Variants in RALYL observed in about 807,000 individuals in gnomAD.
The protein encoded by RALYL is RNA-binding Raly-like protein.
RALYL carries 29 observed loss-of-function variants against 35.1 expected under a neutral mutation model. The ratio of observed to expected loss-of-function variants is 0.83; its 90% CI spans 0.61 to 1.13. The LOEUF is 1.13. Ranked by LOEUF, RALYL falls within the 50% of genes most tolerant of loss-of-function variation. The probability of loss-of-function intolerance (pLI) is 0.00; values close to 1 mark genes in which losing one functional copy is unlikely to be tolerated. For missense variants in RALYL, 359 were observed against 360.4 expected (o/e 1.00, Z 0.03); for synonymous variants, 120 against 127.6 (o/e 0.94, Z 0.40).
At chr8:84,605,297 A>G (rs1816863844) in intron 2 of RALYL, among the ~76,000 whole-genome samples, 1 of 152,118 alleles carries the variant, frequency 6.6e-6, no homozygotes, top group African/African-American at 2.4e-5. Flanking sequence ...CTGCATTCTA[A>G]TCAAAGAACA....
chr8:84,214,050 T>C (rs1046465500), intron 1 of RALYL, among the ~76,000 whole-genome samples: 1 of 152,200 alleles, frequency 6.6e-6, no homozygotes, highest in Non-Finnish European at 1.5e-5. Context: ...TAGCTAATTT[T>C]CTCTGCTATG....
intron 1 of RALYL, among the ~76,000 whole-genome samples, chr8:84,491,304 A>G (rs1219991505): frequency 6.6e-6 from 1 of 152,002 alleles, no homozygotes; most frequent in East Asian, 1.9e-4. Context: ...AGCATTCAAA[A>G]TATGGCTTAT....
intron 5 of RALYL, among the ~76,000 whole-genome samples, chr8:84,859,234 G>A (rs935871198): frequency 6.6e-6 from 1 of 152,098 alleles, no homozygotes; most frequent in Admixed American, 6.5e-5. Context: ...GGTTGCGGGA[G>A]GGGACCAATC....
intron 1 of RALYL, among the ~76,000 whole-genome samples, chr8:84,351,903 G>C (rs988740405): frequency 6.7e-6 from 1 of 150,366 alleles, no homozygotes; most frequent in Non-Finnish European, 1.5e-5. Flanking sequence ...TTAAGTTCAT[G>C]ATGACTGAAT....
chr8:84,751,815 GCTTC>G (rs770208741), intron 2 of RALYL, among the ~76,000 whole-genome samples: 66 of 152,260 alleles, frequency 4.3e-4, no homozygotes, highest in Non-Finnish European at 5.1e-4. Context: ...CCAGTATCAT[GCTTC>G]CTGTACAGCC....
At chr8:84,396,926 C>A (rs1586840303) in intron 1 of RALYL, among the ~76,000 whole-genome samples, 1 of 152,130 alleles carries the variant, frequency 6.6e-6, no homozygotes, top group South Asian at 2.1e-4. Context: ...AATATCCCCC[C>A]CGCCCCATAA....
intron 1 of RALYL, among the ~76,000 whole-genome samples, chr8:84,269,548 T>C (rs1833921102): frequency 6.6e-6 from 1 of 152,208 alleles, no homozygotes; most frequent in Non-Finnish European, 1.5e-5. Flanking sequence ...TTAGGAATTA[T>C]AAACCACATG....
At chr8:84,367,339 T>A (rs1169487828) in intron 1 of RALYL, among the ~76,000 whole-genome samples, 3 of 63,866 alleles carry the variant, frequency 4.7e-5, no homozygotes, top group African/African-American at 3.7e-4. Flanking sequence ...TTTTTTTTTT[T>A]TTTTTTTTTT....
intron 8 of RALYL, among the ~76,000 whole-genome samples, chr8:84,917,951 C>T (rs1306415971): frequency 6.6e-6 from 1 of 151,948 alleles, no homozygotes; most frequent in Admixed American, 6.6e-5. Context: ...CAAATATATT[C>T]ACATTGTCTA....
intron 1 of RALYL, among the ~76,000 whole-genome samples, chr8:84,413,410 T>C (rs2044294997): frequency 6.6e-6 from 1 of 151,054 alleles, no homozygotes; most frequent in Admixed American, 6.6e-5. Flanking sequence ...TGTTTACTGA[T>C]GGAGAAAAAA....
At chr8:84,236,665 A>T (rs529825536) in intron 1 of RALYL, among the ~76,000 whole-genome samples, 3 of 152,184 alleles carry the variant, frequency 2.0e-5, no homozygotes, top group Non-Finnish European at 4.4e-5. Flanking sequence ...AGACACAGAC[A>T]TTGTAAGGGC....
intron 1 of RALYL, among the ~76,000 whole-genome samples, chr8:84,279,714 A>G (rs1836169728): frequency 6.6e-6 from 1 of 151,968 alleles, no homozygotes; most frequent in Non-Finnish European, 1.5e-5. Context: ...TTTGGTTTAT[A>G]GCTTTTTCCT....
At chr8:84,796,081 G>A (rs974088048) in intron 3 of RALYL, among the ~76,000 whole-genome samples, 23 of 152,192 alleles carry the variant, frequency 1.5e-4, no homozygotes, top group African/African-American at 5.5e-4. Context: ...CTTGAGGTCA[G>A]TATCCAACTA....
At chr8:84,378,462 T>C (rs1217342547) in intron 1 of RALYL, among the ~76,000 whole-genome samples, 1 of 151,956 alleles carries the variant, frequency 6.6e-6, no homozygotes. Flanking sequence ...TTTAGGCATA[T>C]ATGAATAAAT....
chr8:84,240,895 G>T (rs942133908), intron 1 of RALYL, among the ~76,000 whole-genome samples: 2 of 151,988 alleles, frequency 1.3e-5, no homozygotes, highest in Non-Finnish European at 2.9e-5. Context: ...TAAAATAATG[G>T]CAATAGGTTT....
intron 1 of RALYL, among the ~76,000 whole-genome samples, chr8:84,462,560 A>T (rs941834081): frequency 4.0e-5 from 6 of 148,538 alleles, no homozygotes; most frequent in Non-Finnish European, 7.4e-5. Context: ...ATCACTTTTG[A>T]GTTACTTTTT....
chr8:84,312,341 A>G (rs2129959911), intron 1 of RALYL, among the ~76,000 whole-genome samples: 1 of 152,282 alleles, frequency 6.6e-6, no homozygotes, highest in Middle Eastern at 3.4e-3. Context: ...GGCTCCTCTC[A>G]AATCTCATGT....
At chr8:84,653,606 G>C (rs553835927) in intron 2 of RALYL, among the ~76,000 whole-genome samples, 32 of 151,864 alleles carry the variant, frequency 2.1e-4, no homozygotes, top group Non-Finnish European at 3.5e-4. Context: ...TTCTAGTAGA[G>C]ATCTCTGATT....
At chr8:84,865,439 A>G (rs918992627) in intron 6 of RALYL, among the ~76,000 whole-genome samples, 1 of 152,166 alleles carries the variant, frequency 6.6e-6, no homozygotes, top group African/African-American at 2.4e-5. Context: ...TGCTAAGGAG[A>G]AAACTATATA....
Sources: allele counts gnomAD v4.1 joint callset (sites outside exome capture counted in the v4.1 genomes callset), GRCh38; gene constraint gnomAD v4.1.1; transcripts MANE v1.5; gene names NCBI Gene and HGNC (gene_info 2026-07-23, HGNC 2026-07-21).